Variants in CTNNA2 observed in about 807,000 individuals in gnomAD.
CTNNA2 encodes catenin alpha-2.
A neutral mutation model predicts 101.0 loss-of-function variants in CTNNA2; 42 were observed. That is an observed-to-expected ratio of 0.42 (90% CI 0.32 to 0.54). The LOEUF (loss-of-function observed/expected upper bound fraction) is 0.54. Ranked by LOEUF, CTNNA2 falls within the 20% of genes least tolerant of loss-of-function variation. The pLI is 0.14. For synonymous variants in CTNNA2, 450 were observed against 456.4 expected, an observed-to-expected ratio of 0.99 and a Z score of 0.18; for missense variants, 871 against 1,223.1, an observed-to-expected ratio of 0.71 and a Z score of 4.29.
intron 7 of CTNNA2, among the ~76,000 whole-genome samples, chr2:80,163,772 TG>T (rs1362436484): frequency 6.6e-6 from 1 of 152,072 alleles, no homozygotes; most frequent in African/African-American, 2.4e-5. Context: ...TATCAGTTTT[TG>T]CTTCACATAT....
intron 16 of CTNNA2, among the ~76,000 whole-genome samples, chr2:80,606,577 C>T (rs1331920860): frequency 6.6e-6 from 1 of 151,778 alleles, no homozygotes; most frequent in African/African-American, 2.4e-5. Flanking sequence ...AAGAAATCTT[C>T]AGAAAAAAAT....
chr2:80,555,589 T>G, intron 11 of CTNNA2, 104 bp from the exon 12 acceptor site: 25 of 557,208 alleles, frequency 4.5e-5, no homozygotes, highest in Non-Finnish European at 7.3e-5. Flanking sequence ...AGGCATGCAT[T>G]GAGATGTGTC....
intron 7 of CTNNA2, among the ~76,000 whole-genome samples, chr2:80,118,389 C>A (rs1283128180): frequency 6.6e-6 from 1 of 152,218 alleles, no homozygotes; most frequent in African/African-American, 2.4e-5. Context: ...ATAGCTCTTT[C>A]CAAACTCTGC....
At chr2:80,560,563 C>G (rs1170107602) in intron 12 of CTNNA2, among the ~76,000 whole-genome samples, 1 of 152,140 alleles carries the variant, frequency 6.6e-6, no homozygotes. Context: ...CAATTATTGC[C>G]CATGAGTCCC....
At chr2:79,476,845 C>A (rs916835536) in intron 4 of CTNNA2, among the ~76,000 whole-genome samples, 4 of 152,186 alleles carry the variant, frequency 2.6e-5, no homozygotes, top group Admixed American at 2.6e-4. Context: ...CTGTACTCAA[C>A]AAAACTTAGT....
At chr2:80,093,279 T>A (rs1468273277) in intron 7 of CTNNA2, among the ~76,000 whole-genome samples, 6 of 151,808 alleles carry the variant, frequency 4.0e-5, no homozygotes, top group African/African-American at 1.4e-4. Context: ...CTTGCGATAG[T>A]TTGCTGAGAA....
intron 9 of CTNNA2, among the ~76,000 whole-genome samples, chr2:80,516,339 G>A (rs371257077): frequency 5.3e-5 from 8 of 152,268 alleles, no homozygotes; most frequent in Non-Finnish European, 7.4e-5. Context: ...CATAAAAGCC[G>A]CAGAAGCTAT....
At chr2:80,155,099 G>C (rs1444198034) in intron 7 of CTNNA2, among the ~76,000 whole-genome samples, 1 of 152,156 alleles carries the variant, frequency 6.6e-6, no homozygotes, top group Non-Finnish European at 1.5e-5. Context: ...TCCCATATCT[G>C]CTTCTGCATT....
At chr2:80,287,148 C>T (rs1374396885) in intron 7 of CTNNA2, among the ~76,000 whole-genome samples, 2 of 152,084 alleles carry the variant, frequency 1.3e-5, no homozygotes, top group Non-Finnish European at 1.5e-5. Flanking sequence ...AGAAAAGCCT[C>T]ATAGCTGTCT....
intron 18 of CTNNA2, among the ~76,000 whole-genome samples, chr2:80,630,237 C>T (rs966855299): frequency 1.3e-5 from 2 of 152,178 alleles, no homozygotes; most frequent in Non-Finnish European, 2.9e-5. Flanking sequence ...AAATGGCTTT[C>T]ACTTCTTACT....
chr2:79,322,700 ATGG>A (rs1216625773), intron 3 of CTNNA2, among the ~76,000 whole-genome samples: 1 of 152,156 alleles, frequency 6.6e-6, no homozygotes, highest in Non-Finnish European at 1.5e-5. Flanking sequence ...TTCAATTCTC[ATGG>A]TCCCTTGAGA....
chr2:79,339,591 C>G (rs1677083458), intron 3 of CTNNA2: 1 of 152,120 alleles, frequency 6.6e-6, no homozygotes, highest in Non-Finnish European at 1.5e-5. Flanking sequence ...GCAAGTTCAC[C>G]CACATATGAC....
At chr2:80,186,847 T>G (rs1706162955) in intron 7 of CTNNA2, among the ~76,000 whole-genome samples, 1 of 152,206 alleles carries the variant, frequency 6.6e-6, no homozygotes, top group Non-Finnish European at 1.5e-5. Flanking sequence ...AGATAGTCTT[T>G]CAGCAAAACA....
chr2:79,479,982 G>T (rs1175541590), intron 4 of CTNNA2, among the ~76,000 whole-genome samples: 1 of 152,074 alleles, frequency 6.6e-6, no homozygotes, highest in East Asian at 1.9e-4. Flanking sequence ...GGTTTATTTG[G>T]CTCATGGTTT....
intron 7 of CTNNA2, among the ~76,000 whole-genome samples, chr2:80,378,489 A>G (rs1334673425): frequency 6.6e-6 from 1 of 152,064 alleles, no homozygotes; most frequent in East Asian, 1.9e-4. Context: ...ATATGCACAC[A>G]TTCAAATGCA....
chr2:80,091,082 A>G lies in CTNNA2; in HGVS notation c.1056+181285A>G, dbSNP rs72924663. Among the ~76,000 whole-genome samples, 1,442 of 152,256 alleles carry G rather than the reference A, an allele frequency of 9.5e-3. 22 individuals are homozygous for G. Among genetic ancestry groups the G allele is most frequent in the African/African-American group, 0.033 (1,380 of 41,564 alleles). On this transcript the variant is annotated intron_variant, in intron 7 of 18. Transcript: ENST00000402739. ...AGAGGTATAGTCTCATCTAAATTTC[A>G]GCATTAGACTCCAAGTAGTTTTAAA...
intron 13 of CTNNA2, among the ~76,000 whole-genome samples, chr2:80,579,985 T>TCA (rs1695386692): frequency 6.6e-6 from 1 of 152,244 alleles, no homozygotes; most frequent in Non-Finnish European, 1.5e-5. Context: ...AGGCAGTCTG[T>TCA]GGAAGACCAT....
chr2:80,208,669 C>G (rs1051819991), intron 7 of CTNNA2, among the ~76,000 whole-genome samples: 31 of 152,166 alleles, frequency 2.0e-4, no homozygotes, highest in African/African-American at 7.5e-4. Flanking sequence ...CCCTAAGGAT[C>G]CAGGCCTCAG....
chr2:79,837,311 G>T (rs1213485372), intron 3 of CTNNA2, among the ~76,000 whole-genome samples: 7 of 152,184 alleles, frequency 4.6e-5, no homozygotes, highest in African/African-American at 1.7e-4. Context: ...CTAGGCCAGT[G>T]TCTTCTTTCC....
Sources: gnomAD v4.1 joint callset for allele counts (sites outside exome capture counted in the v4.1 genomes callset) on GRCh38, gnomAD v4.1.1 for gene constraint, MANE v1.5 for transcripts, NCBI Gene and HGNC (gene_info 2026-07-23, HGNC 2026-07-21) for gene names.